NRCAM: variants seen among roughly 807,000 people sequenced by gnomAD.
The protein encoded by NRCAM is NgCAM-related cell adhesion molecule.
In NRCAM, 83 loss-of-function variants were observed where a neutral mutation model predicts 156.5. That is an observed-to-expected ratio of 0.53 (90% CI 0.44 to 0.64). The LOEUF is 0.64. Among genes scored for constraint, NRCAM ranks in the 30% least tolerant of loss-of-function variants. NRCAM has a pLI of 0.00. For synonymous variants in NRCAM, 538 were observed against 563.9 expected, an observed-to-expected ratio of 0.95 and a Z score of 0.65; for missense variants, 1,417 against 1,597.3, an observed-to-expected ratio of 0.89 and a Z score of 1.92.
intron 3 of NRCAM, among the ~76,000 whole-genome samples, chr7:108,293,401 C>T (rs1236515072): frequency 6.6e-6 from 1 of 152,172 alleles, no homozygotes; most frequent in Non-Finnish European, 1.5e-5. Flanking sequence ...CTTCCTGCTG[C>T]TAAGAGGGCT....
chr7:108,257,005 G>GAA (rs777855116), intron 3 of NRCAM, among the ~76,000 whole-genome samples: 3 of 49,984 alleles, frequency 6.0e-5, no homozygotes, highest in Non-Finnish European at 8.0e-5. Flanking sequence ...GAAGACTGTC[G>GAA]AAAAAAAAAA....
chr7:108,189,648 T>C lies in NRCAM; in HGVS notation c.2032A>G (p.Thr678Ala), dbSNP rs111616050. ...TAGAGCAAATAATACCACATACTTGTAATGGGGCTATTGTTGTCATCGCCT... is the reference window on the plus strand; with the variant it reads ...TAGAGCAAATAATACCACATACTTGCAATGGGGCTATTGTTGTCATCGCCT... Reference protein sequence around the residue: ...TPGDDNNSPITKFIIEYEDAM... With the variant: ...TPGDDNNSPIAKFIIEYEDAM... Residue 678 changes from threonine (T) to alanine (A), a missense_variant, in exon 20 of 33, where the codon ACA becomes GCA. Thr to Ala is a moderately conservative substitution (Grantham distance 58). Transcript: ENST00000379028. 1.3e-4 allele frequency: 166 copies of C among 1,273,732 alleles called. No homozygotes were observed. In the African/African-American group the frequency reaches 2.2e-3, roughly 17 times the overall value. 78.9% of individuals were successfully genotyped at this position (1,273,732 alleles called of 1,614,324 possible).
At chr7:108,168,542 C>CTTT (rs2056399154) in intron 28 of NRCAM, 140 bp from the exon 29 acceptor site, 1 of 734,950 alleles carries the variant, frequency 1.4e-6, no homozygotes, top group Non-Finnish European at 1.9e-6. Flanking sequence ...TTCACTCATG[C>CTTT]TTTGCTTTCA....
intron 2 of NRCAM, among the ~76,000 whole-genome samples, chr7:108,343,607 G>A (rs2099318999): frequency 6.6e-6 from 1 of 152,210 alleles, no homozygotes. Context: ...GGAACCTCAT[G>A]AGGACATAGT....
chr7:108,358,598 C>A (rs904761717), intron 2 of NRCAM, among the ~76,000 whole-genome samples: 2 of 152,122 alleles, frequency 1.3e-5, no homozygotes, highest in Non-Finnish European at 2.9e-5. Flanking sequence ...ATGCACAGAG[C>A]TCCTCCTGAA....
At chr7:108,262,508 A>C (rs2096924580) in intron 3 of NRCAM, among the ~76,000 whole-genome samples, 1 of 152,188 alleles carries the variant, frequency 6.6e-6, no homozygotes, top group Admixed American at 6.5e-5. Context: ...CAAGAATTCA[A>C]ACTAGAATTT....
intron 1 of NRCAM, among the ~76,000 whole-genome samples, chr7:108,415,250 G>C (rs1297330849): frequency 6.6e-6 from 1 of 152,124 alleles, no homozygotes; most frequent in East Asian, 1.9e-4. Flanking sequence ...GCCTGTGTGA[G>C]CAACAGCCTG....
chr7:108,342,457 G>A (rs542083888), intron 2 of NRCAM, among the ~76,000 whole-genome samples: 17 of 152,312 alleles, frequency 1.1e-4, no homozygotes, highest in South Asian at 4.1e-4. Flanking sequence ...CAGGTACGGC[G>A]AAATAGCTAG....
chr7:108,240,365 T>G (rs530968584), intron 3 of NRCAM, among the ~76,000 whole-genome samples, 195 bp from the exon 4 acceptor site: 14 of 152,184 alleles, frequency 9.2e-5, no homozygotes, highest in Non-Finnish European at 1.9e-4. Context: ...TCAGAGATAT[T>G]AGTAGTGATA....
At position 108,395,417 on chromosome 7, in the gene NRCAM, G is replaced by A. The variant is rs143327082; in HGVS notation, c.-174+4019C>T. Among the ~76,000 whole-genome samples the A allele has an allele frequency of 9.4e-3, 1,437 of 152,292 alleles. 76 individuals carry two copies. The highest frequency in any genetic ancestry group is 0.079 in the Admixed American group (1,216 of 15,300). Reference sequence around the variant, plus strand: ...CACGAATTGCTGAGGTAAAGTCTGCGATCTCTATGATGGGATTGAATTTGT... The same window carrying A: ...CACGAATTGCTGAGGTAAAGTCTGCAATCTCTATGATGGGATTGAATTTGT... On this transcript the variant is annotated intron_variant, in intron 2 of 32. Coordinates refer to ENST00000379028, the MANE Select transcript of NRCAM (RefSeq NM_001037132.4).
rs548883091 is a variant in NRCAM at position 108,199,814 on chromosome 7, T to G, written c.1208-1715A>C. ...CCATGTAAGGTGACATATTCATAGT[T>G]TCTAGGGATTGGGATGTAGACATCA... On this transcript the variant is annotated intron_variant, in intron 13 of 32. Transcript: ENST00000379028. Among the ~76,000 whole-genome samples the G allele has an allele frequency of 2.3e-4, 35 of 152,292 alleles. 1 individual carries two copies. The highest frequency in any genetic ancestry group is 7.7e-4 in the African/African-American group (32 of 41,566).
chr7:108,392,151 T>C lies in NRCAM; in HGVS notation c.-174+7285A>G, dbSNP rs912503325. On this transcript the variant is annotated intron_variant, in intron 2 of 32. Coordinates refer to ENST00000379028, the MANE Select transcript of NRCAM (RefSeq NM_001037132.4). ...GCTATGTTGGGGAAGTTCTCCTGGA[T>C]AATATCCTGCAGAGTGTTTTCCAAC... 5.3e-5 allele frequency among the ~76,000 whole-genome samples: 8 copies of C among 152,350 alleles called. No homozygotes were observed. The East Asian group carries it at 1.5e-3, about 29-fold the overall frequency.
intron 3 of NRCAM, among the ~76,000 whole-genome samples, chr7:108,280,245 T>C (rs1181073804): frequency 2.0e-5 from 3 of 152,240 alleles, no homozygotes; most frequent in African/African-American, 7.2e-5. Flanking sequence ...TTAGAAGCGC[T>C]AGCAATTCTG....
chr7:108,399,140 C>T (rs924215939), intron 2 of NRCAM, among the ~76,000 whole-genome samples: 2 of 150,794 alleles, frequency 1.3e-5, no homozygotes, highest in Non-Finnish European at 1.5e-5. Context: ...AAAAGAGAAA[C>T]ATTATTGATT....
At chr7:108,433,600 T>C (rs1828436511) in intron 1 of NRCAM, among the ~76,000 whole-genome samples, 1 of 152,160 alleles carries the variant, frequency 6.6e-6, no homozygotes, top group Non-Finnish European at 1.5e-5. Flanking sequence ...GACTTTTCAC[T>C]GTATTAGTTC....
chr7:108,177,587 C>T (rs2153225783), intron 26 of NRCAM, among the ~76,000 whole-genome samples: 1 of 151,188 alleles, frequency 6.6e-6, no homozygotes, highest in South Asian at 2.1e-4. Context: ...CTCACCACTG[C>T]ACTCCAGCCT....
In NRCAM at chr7:108,149,816, C is replaced by G; in HGVS notation, c.*94G>C. On this transcript the variant is annotated 3_prime_UTR_variant, in exon 33 of 33. Transcript: ENST00000379028. ...ACTAACATACAGCAGAAAATATACT[C>G]TCTACCCATATGTTCATAGTATGAG... The G allele has an allele frequency of 1.0e-6, 1 of 959,806 alleles. No individual in the cohort carries two copies. The highest frequency in any genetic ancestry group is 1.6e-6 in the Non-Finnish European group (1 of 625,700). 59.5% of individuals were successfully genotyped at this position (959,806 alleles called of 1,614,324 possible).
At chr7:108,424,392 G>A (rs1011952627) in intron 1 of NRCAM, among the ~76,000 whole-genome samples, 13 of 152,234 alleles carry the variant, frequency 8.5e-5, no homozygotes, top group African/African-American at 2.7e-4. Flanking sequence ...GAGAAGGGAA[G>A]TCGGTCAGAG....
intron 8 of NRCAM, among the ~76,000 whole-genome samples, chr7:108,227,323 A>C (rs1010519801): frequency 6.6e-6 from 1 of 152,150 alleles, no homozygotes; most frequent in Non-Finnish European, 1.5e-5. Flanking sequence ...GATTTTCTTT[A>C]TCTTTTATGG....
Sources: gnomAD v4.1 joint callset for allele counts (sites outside exome capture counted in the v4.1 genomes callset) on GRCh38, gnomAD v4.1.1 for gene constraint, MANE v1.5 for transcripts, NCBI Gene and HGNC (gene_info 2026-07-23, HGNC 2026-07-21) for gene names.